TNS3: variants seen among roughly 807,000 people sequenced by gnomAD.
The protein encoded by TNS3 is tensin-3.
A neutral mutation model predicts 140.9 loss-of-function variants in TNS3; 45 were observed. The ratio of observed to expected loss-of-function variants is 0.32; its 90% CI spans 0.25 to 0.41. The LOEUF (loss-of-function observed/expected upper bound fraction) is 0.41, where lower values mean the gene tolerates loss of function less well. Among genes scored for constraint, TNS3 ranks in the 10% least tolerant of loss-of-function variants. TNS3 has a pLI of 1.00. For missense variants in TNS3, 1,716 were observed against 1,906.7 expected, an observed-to-expected ratio of 0.90 and a Z score of 1.86; for synonymous variants, 815 against 788.4, an observed-to-expected ratio of 1.03 and a Z score of -0.56.
chr7:47,531,972 C>T (rs1295459210), intron 1 of TNS3, among the ~76,000 whole-genome samples: 1 of 152,198 alleles, frequency 6.6e-6, no homozygotes, highest in African/African-American at 2.4e-5. Flanking sequence ...TGGGGAAAAG[C>T]AGGAGCTCCC....
intron 17 of TNS3, among the ~76,000 whole-genome samples, chr7:47,354,433 C>T (rs938747530): frequency 1.3e-5 from 2 of 151,496 alleles, no homozygotes; most frequent in Non-Finnish European, 2.9e-5. Flanking sequence ...CAGGGATGTT[C>T]ACGGGCAAAG....
chr7:47,517,593 T>C (rs952383686), intron 2 of TNS3, among the ~76,000 whole-genome samples: 2 of 152,228 alleles, frequency 1.3e-5, no homozygotes, highest in African/African-American at 4.8e-5. Flanking sequence ...AGCTGAAACA[T>C]TTTGTAAGCC....
At chr7:47,563,370 G>A (rs899133409) in intron 1 of TNS3, among the ~76,000 whole-genome samples, 5 of 152,196 alleles carry the variant, frequency 3.3e-5, no homozygotes, top group Non-Finnish European at 5.9e-5. Flanking sequence ...ACTCTGAAAG[G>A]TGCCCTTGAA....
chr7:47,366,750 A>AACCTGGGCAGGCCACATC (rs1395081391), intron 17 of TNS3, among the ~76,000 whole-genome samples: 2 of 51,998 alleles, frequency 3.8e-5, no homozygotes, highest in African/African-American at 7.9e-5. Context: ...CAGGCCACAT[A>AACCTGGGCAGGCCACATC]ATCTACTGAC....
chr7:47,400,504 C>A (rs775631820), intron 14 of TNS3, 46 bp from the exon 15 acceptor site: 2 of 1,591,060 alleles, frequency 1.3e-6, no homozygotes, highest in East Asian at 2.2e-5. Flanking sequence ...GACAATTAAC[C>A]GGAAAAGTAT....
At chr7:47,436,081 T>C (rs1298562449) in intron 7 of TNS3, among the ~76,000 whole-genome samples, 1 of 152,182 alleles carries the variant, frequency 6.6e-6, no homozygotes, top group Non-Finnish European at 1.5e-5. Context: ...TATCTTATGA[T>C]GAAAGTCGTA....
At chr7:47,547,409 C>T (rs912873332) in intron 1 of TNS3, among the ~76,000 whole-genome samples, 1 of 152,104 alleles carries the variant, frequency 6.6e-6, no homozygotes, top group Admixed American at 6.5e-5. Flanking sequence ...TGGAGGCATG[C>T]TTCTGCTGAA....
intron 16 of TNS3, among the ~76,000 whole-genome samples, chr7:47,392,288 A>G (rs1792566664): frequency 6.6e-6 from 1 of 152,120 alleles, no homozygotes; most frequent in Non-Finnish European, 1.5e-5. Flanking sequence ...ACTTGCCCAC[A>G]TTGGAACGGA....
intron 4 of TNS3, among the ~76,000 whole-genome samples, chr7:47,444,695 C>CCCAATT (rs1179910508): frequency 6.6e-6 from 1 of 151,456 alleles, no homozygotes; most frequent in Non-Finnish European, 1.5e-5. Flanking sequence ...TCTTCTCAAT[C>CCCAATT]CAATAGTCTC....
intron 17 of TNS3, among the ~76,000 whole-genome samples, chr7:47,362,856 C>T (rs1790423216): frequency 6.6e-6 from 1 of 150,392 alleles, no homozygotes; most frequent in Non-Finnish European, 1.5e-5. Context: ...TCACCATCAC[C>T]ATTACCACCA....
intron 3 of TNS3, among the ~76,000 whole-genome samples, chr7:47,504,934 C>T (rs950326610): frequency 6.6e-6 from 1 of 152,158 alleles, no homozygotes; most frequent in African/African-American, 2.4e-5. Flanking sequence ...CAATTGCTGC[C>T]GTTAGAAATT....
chr7:47,367,078 T>C (rs1226424840), intron 17 of TNS3, among the ~76,000 whole-genome samples: 4 of 152,102 alleles, frequency 2.6e-5, no homozygotes, highest in Admixed American at 2.6e-4. Context: ...TGGCCCAAGG[T>C]TATCCTTTGG....
intron 4 of TNS3, among the ~76,000 whole-genome samples, chr7:47,457,337 A>G (rs1367634018): frequency 1.3e-5 from 2 of 152,082 alleles, no homozygotes; most frequent in Non-Finnish European, 2.9e-5. Context: ...CCTCACTAAA[A>G]TGTTCTCTTT....
At chr7:47,304,134 C>T in intron 21 of TNS3, among the ~76,000 whole-genome samples, 1 of 152,210 alleles carries the variant, frequency 6.6e-6, no homozygotes, top group East Asian at 1.9e-4. Context: ...ATCCCTCTGC[C>T]CCATCTCCTT....
At chr7:47,531,587 G>A (rs1799405302) in intron 1 of TNS3, among the ~76,000 whole-genome samples, 1 of 152,180 alleles carries the variant, frequency 6.6e-6, no homozygotes, top group African/African-American at 2.4e-5. Flanking sequence ...ATAATTAACT[G>A]TTTAAACAAT....
intron 6 of TNS3, among the ~76,000 whole-genome samples, chr7:47,438,671 A>G (rs1413950111): frequency 6.6e-6 from 1 of 152,154 alleles, no homozygotes; most frequent in Non-Finnish European, 1.5e-5. Flanking sequence ...CTGCTCTGGC[A>G]TCAGACGGAG....
intron 20 of TNS3, among the ~76,000 whole-genome samples, chr7:47,320,764 G>A (rs2150840808): frequency 6.6e-6 from 1 of 152,304 alleles, no homozygotes; most frequent in East Asian, 1.9e-4. Flanking sequence ...ATTCAACATA[G>A]GAATGTGCAG....
intron 17 of TNS3, among the ~76,000 whole-genome samples, chr7:47,351,236 C>G (rs1789651915): frequency 1.3e-5 from 2 of 152,164 alleles, no homozygotes; most frequent in Admixed American, 1.3e-4. Flanking sequence ...CGTGTTTGAT[C>G]CTTACACTTT....
In TNS3 at chr7:47,369,542, T is replaced by C; in HGVS notation, c.1104A>G (p.Pro368=). The change falls in exon 17 of 31, where the codon CCA becomes CCG. Residue 368 remains proline (P), a synonymous_variant. Coordinates refer to ENST00000311160, the MANE Select transcript of TNS3 (RefSeq NM_022748.12). The stretch of plus-strand genomic sequence containing the variant: ...TGGCCGGGATTGCCTGGGGGCCACC[T>C]GGGATGCCAGGATCCGAGGAGCTTT... ...RKKSSSDPGI[P]GGPQAIPATN... The C allele has an allele frequency of 1.9e-6, 3 of 1,613,172 alleles. No individual in the cohort carries two copies. The highest frequency in any genetic ancestry group is 2.5e-6 in the Non-Finnish European group (3 of 1,179,548).
Sources: allele counts gnomAD v4.1 joint callset (sites outside exome capture counted in the v4.1 genomes callset), GRCh38; gene constraint gnomAD v4.1.1; transcripts MANE v1.5; gene names NCBI Gene and HGNC (gene_info 2026-07-23, HGNC 2026-07-21).